The following GABRB1 variants were observed in gnomAD, a reference collection of about 807,000 sequenced individuals.
The protein encoded by GABRB1 is gamma-aminobutyric acid receptor subunit beta-1.
GABRB1 carries 17 observed loss-of-function variants against 51.6 expected under a neutral mutation model. That is an observed-to-expected ratio of 0.33 (90% CI 0.23 to 0.49). The LOEUF is 0.49. Ranked by LOEUF, GABRB1 falls within the 20% of genes least tolerant of loss-of-function variation. The pLI is 0.99. For missense variants in GABRB1, 410 were observed against 600.6 expected, an observed-to-expected ratio of 0.68 and a Z score of 3.32; for synonymous variants, 247 against 218.9, an observed-to-expected ratio of 1.13 and a Z score of -1.14.
chr4:47,371,994 T>C (rs1240004051), intron 5 of GABRB1, among the ~76,000 whole-genome samples: 1 of 152,178 alleles, frequency 6.6e-6, no homozygotes, highest in Non-Finnish European at 1.5e-5. Context: ...TTGGTGTTTT[T>C]ATTGTGAAAT....
chr4:47,018,343 T>G (rs1254976863), intron 1 of GABRB1, among the ~76,000 whole-genome samples: 1 of 152,104 alleles, frequency 6.6e-6, no homozygotes, highest in Non-Finnish European at 1.5e-5. Flanking sequence ...GGAGCCACCA[T>G]GCCTGGCCTT....
intron 3 of GABRB1, among the ~76,000 whole-genome samples, chr4:47,035,537 A>G (rs1319768121): frequency 2.0e-5 from 3 of 152,158 alleles, no homozygotes; most frequent in Non-Finnish European, 4.4e-5. Context: ...GCAACTACAT[A>G]CTGTTACCAT....
intron 3 of GABRB1, among the ~76,000 whole-genome samples, chr4:47,036,518 T>C (rs1055989533): frequency 1.3e-5 from 2 of 152,198 alleles, no homozygotes; most frequent in Non-Finnish European, 2.9e-5. Context: ...TGCTGGTATA[T>C]AGATTGCACT....
rs927334818 is a variant in GABRB1 at position 47,256,007 on chromosome 4, T to A, written c.462-64120T>A. 3.9e-5 allele frequency among the ~76,000 whole-genome samples: 6 copies of A among 152,302 alleles called. No homozygotes were observed. In the South Asian group the frequency reaches 1.2e-3, roughly 32 times the overall value. The stretch of plus-strand genomic sequence containing the variant: ...TTCTTCAAGAAGAGTACAAATTTAG[T>A]CCGAGGCCCAGTTTAGAAGGATCAG... On this transcript the variant is annotated intron_variant, in intron 4 of 8. Coordinates refer to ENST00000295454, the MANE Select transcript of GABRB1 (RefSeq NM_000812.4).
At chr4:47,089,882 C>T (rs1728223999) in intron 3 of GABRB1, among the ~76,000 whole-genome samples, 2 of 152,120 alleles carry the variant, frequency 1.3e-5, no homozygotes, top group African/African-American at 4.8e-5. Context: ...AAATCTAGGC[C>T]TTTTAAACCA....
At chr4:47,049,568 T>A (rs1291323306) in intron 3 of GABRB1, among the ~76,000 whole-genome samples, 1 of 152,166 alleles carries the variant, frequency 6.6e-6, no homozygotes, top group Non-Finnish European at 1.5e-5. Context: ...GAAATGCAAA[T>A]GGCATCCGAG....
Position 47,398,920 on chromosome 4 carries a change from A to T in GABRB1, c.545-4398A>T, listed in dbSNP as rs917183630. Among the ~76,000 whole-genome samples the T allele has an allele frequency of 5.9e-5, 9 of 152,206 alleles. No homozygotes were observed. In the South Asian group the frequency reaches 8.3e-4, roughly 14 times the overall value. On this transcript the variant is annotated intron_variant, in intron 5 of 8. Coordinates refer to ENST00000295454, the MANE Select transcript of GABRB1 (RefSeq NM_000812.4). Reference sequence around the variant, plus strand: ...ATTCTCCCGCCTCAGCCTCCTGAGTAGCTGGGACTATAGGGGCCCGCCACC... The same window carrying T: ...ATTCTCCCGCCTCAGCCTCCTGAGTTGCTGGGACTATAGGGGCCCGCCACC...
chr4:47,015,299 T>A (rs756824498), intron 1 of GABRB1, among the ~76,000 whole-genome samples: 107 of 152,320 alleles, frequency 7.0e-4, no homozygotes, highest in Non-Finnish European at 1.4e-3. Flanking sequence ...AATAACAATA[T>A]GTTTCAAAGA....
At chr4:47,238,064 C>T (rs1721393788) in intron 4 of GABRB1, among the ~76,000 whole-genome samples, 1 of 151,656 alleles carries the variant, frequency 6.6e-6, no homozygotes, top group African/African-American at 2.4e-5. Context: ...GAAGAATATA[C>T]AATAGCATAT....
rs1722775244 is a variant in GABRB1, at chr4:47,269,620, C to A, written c.462-50507C>A. Among the ~76,000 whole-genome samples the A allele has an allele frequency of 3.3e-5, 5 of 151,952 alleles. No individual in the cohort carries two copies. The South Asian group carries it at 1.0e-3, about 31-fold the overall frequency. On this transcript the variant is annotated intron_variant, in intron 4 of 8. Transcript: ENST00000295454. ...CCTCATTCTTTCCTGGTCCTTTTCT[C>A]TTATATTCTTTTTCTCTATTCTATG...
chr4:47,066,056 C>A, intron 3 of GABRB1, among the ~76,000 whole-genome samples: 1 of 152,124 alleles, frequency 6.6e-6, no homozygotes, highest in East Asian at 1.9e-4. Flanking sequence ...TGGGCCAGGG[C>A]TGTCAAAGCC....
chr4:47,226,087 TC>T (rs1438265743), intron 4 of GABRB1, among the ~76,000 whole-genome samples: 6 of 152,126 alleles, frequency 3.9e-5, no homozygotes, highest in Admixed American at 3.3e-4. Flanking sequence ...TAAACATAGT[TC>T]TAGGTATTGT....
intron 4 of GABRB1, among the ~76,000 whole-genome samples, chr4:47,276,091 T>C (rs1723066095): frequency 6.6e-6 from 1 of 152,162 alleles, no homozygotes; most frequent in Admixed American, 6.6e-5. Context: ...TGATGAGTTT[T>C]CAATACTCGT....
At chr4:47,120,047 C>T (rs1271085150) in intron 3 of GABRB1, among the ~76,000 whole-genome samples, 1 of 151,984 alleles carries the variant, frequency 6.6e-6, no homozygotes, top group Non-Finnish European at 1.5e-5. Flanking sequence ...TGCTGAAAAA[C>T]TGGATAAACA....
At chr4:47,176,645 T>C (rs772760628) in intron 4 of GABRB1, among the ~76,000 whole-genome samples, 1 of 152,082 alleles carries the variant, frequency 6.6e-6, no homozygotes, top group Non-Finnish European at 1.5e-5. Flanking sequence ...GTGACTGTAT[T>C]ATTTCACCAA....
intron 4 of GABRB1, among the ~76,000 whole-genome samples, chr4:47,207,032 A>G (rs974383503): frequency 1.3e-4 from 19 of 151,926 alleles, no homozygotes; most frequent in African/African-American, 3.6e-4. Context: ...AGCAATCTGT[A>G]GTACTTGGAG....
chr4:47,149,486 G>A (rs975363729), intron 3 of GABRB1, among the ~76,000 whole-genome samples: 1 of 151,924 alleles, frequency 6.6e-6, no homozygotes, highest in Non-Finnish European at 1.5e-5. Context: ...ACAATCATAG[G>A]ACTAATAAGC....
At chr4:47,265,106 C>T (rs945554180) in intron 4 of GABRB1, among the ~76,000 whole-genome samples, 7 of 151,870 alleles carry the variant, frequency 4.6e-5, no homozygotes, top group Admixed American at 3.3e-4. Context: ...ACCATCACTC[C>T]CCTCTCAATT....
Position 47,426,061 on chromosome 4 carries a change from T to C in GABRB1, c.*43T>C, listed in dbSNP as rs1185130440. The C allele has an allele frequency of 2.2e-5, 32 of 1,464,492 alleles. No individual in the cohort carries two copies. Among genetic ancestry groups the C allele is most frequent in the Non-Finnish European group, 2.9e-5 (32 of 1,088,260 alleles). 90.7% of individuals were successfully genotyped at this position (1,464,492 alleles called of 1,614,324 possible). A position where few individuals can be genotyped will look rare whatever the true frequency, so the allele number is the denominator to read the frequency against. ...CCATTTAGACTACTTTCCTCTTCTA[T>C]TGTTTTTTAACCTTACAGGTCCCCA... On this transcript the variant is annotated 3_prime_UTR_variant, in exon 9 of 9. Transcript: ENST00000295454.
Sources: allele counts gnomAD v4.1 joint callset (sites outside exome capture counted in the v4.1 genomes callset), GRCh38; gene constraint gnomAD v4.1.1; transcripts MANE v1.5; gene names NCBI Gene and HGNC (gene_info 2026-07-23, HGNC 2026-07-21).